Variants in ARHGAP44 observed in about 807,000 individuals in gnomAD.
ARHGAP44 encodes the protein Rho GTPase activating protein 44, also known as rho GTPase-activating protein 44.
A neutral mutation model predicts 106.8 loss-of-function variants in ARHGAP44; 43 were observed. That is an observed-to-expected ratio of 0.40 (90% CI 0.32 to 0.52). The LOEUF (loss-of-function observed/expected upper bound fraction) is 0.52, where lower values mean the gene tolerates loss of function less well. Among genes scored for constraint, ARHGAP44 ranks in the 20% least tolerant of loss-of-function variants. The probability of loss-of-function intolerance (pLI) is 0.48; values close to 1 mark genes in which losing one functional copy is unlikely to be tolerated. For missense variants in ARHGAP44, 866 were observed against 1,050.5 expected, an observed-to-expected ratio of 0.82 and a Z score of 2.43; for synonymous variants, 439 against 410.3, an observed-to-expected ratio of 1.07 and a Z score of -0.85.
chr17:12,973,515 T>C (rs1230625081), intron 17 of ARHGAP44, 196 bp downstream of exon 17: 8 of 622,152 alleles, frequency 1.3e-5, no homozygotes, highest in Non-Finnish European at 2.0e-5. Flanking sequence ...CCTTCCCTGC[T>C]GTGTAGACAA....
chr17:12,830,127 T>A (rs1305025647), intron 1 of ARHGAP44, among the ~76,000 whole-genome samples: 2 of 152,202 alleles, frequency 1.3e-5, no homozygotes, highest in South Asian at 4.1e-4. Context: ...TGCAAGGGGA[T>A]TGAAGCCTTT....
intron 1 of ARHGAP44, among the ~76,000 whole-genome samples, chr17:12,797,318 G>A (rs1198137000): frequency 6.6e-6 from 1 of 152,054 alleles, no homozygotes; most frequent in East Asian, 1.9e-4. Context: ...TGTATGACAT[G>A]GCTTAGGTAT....
At chr17:12,916,134 A>T in intron 5 of ARHGAP44, 123 bp downstream of exon 5, 1 of 780,622 alleles carries the variant, frequency 1.3e-6, no homozygotes, top group Non-Finnish European at 2.1e-6. Flanking sequence ...ATTGTTTTTC[A>T]TCAGGGATTC....
intron 1 of ARHGAP44, among the ~76,000 whole-genome samples, chr17:12,870,067 G>GT (rs2036366928): frequency 9.1e-5 from 1 of 10,944 alleles, no homozygotes. Flanking sequence ...TTTTTTTTTT[G>GT]AGATAGAGTC....
chr17:12,874,960 G>A lies in ARHGAP44; in HGVS notation c.54-19980G>A, dbSNP rs562707815. 2.6e-4 allele frequency among the ~76,000 whole-genome samples: 40 copies of A among 151,624 alleles called. No homozygotes were observed. In the South Asian group the frequency reaches 7.0e-3, roughly 26 times the overall value. Reference sequence around the variant, plus strand: ...GACAGAATGGGGGTCAGGAGATGGCGGGGTGGGGGTGGGATGGAAAATGGG... The same window carrying A: ...GACAGAATGGGGGTCAGGAGATGGCAGGGTGGGGGTGGGATGGAAAATGGG... On this transcript the variant is annotated intron_variant, in intron 1 of 20. Transcript: ENST00000379672.
intron 1 of ARHGAP44, among the ~76,000 whole-genome samples, chr17:12,809,446 G>A (rs961728014): frequency 8.5e-5 from 13 of 152,342 alleles, no homozygotes; most frequent in Middle Eastern, 3.4e-3. Context: ...AAGCAAAAGC[G>A]TGTCTTACAC....
intron 1 of ARHGAP44, among the ~76,000 whole-genome samples, chr17:12,799,859 C>T (rs1479209695): frequency 6.6e-6 from 1 of 152,144 alleles, no homozygotes; most frequent in Non-Finnish European, 1.5e-5. Context: ...GAACTCCTGA[C>T]CTCAGGAGAT....
At chr17:12,863,350 G>C (rs1043791486) in intron 1 of ARHGAP44, among the ~76,000 whole-genome samples, 8 of 151,898 alleles carry the variant, frequency 5.3e-5, no homozygotes, top group African/African-American at 1.5e-4. Flanking sequence ...CCTTGACCTA[G>C]TTTAGTGAAT....
In ARHGAP44 at chr17:12,841,606, A is replaced by T. The variant is rs987096593; in HGVS notation, c.53+51715A>T. ...CTCTGTCTCTCTCTCACACACACAC[A>T]CACACACACACACACACACACACAC... On this transcript the variant is annotated intron_variant, in intron 1 of 20. Transcript: ENST00000379672. 1.8e-3 allele frequency among the ~76,000 whole-genome samples: 225 copies of T among 124,750 alleles called. 2 individuals are homozygous for T. The highest frequency in any genetic ancestry group is 4.3e-3 in the East Asian group (19 of 4,452). The allele number at this position is 124,750 out of a possible 152,430, so 81.8% of individuals were successfully genotyped here.
chr17:12,985,817 G>A (rs1246324704), intron 20 of ARHGAP44: 1 of 152,240 alleles, frequency 6.6e-6, no homozygotes, highest in Non-Finnish European at 1.5e-5. Flanking sequence ...CGGTGAGCTG[G>A]AGCATATGTG....
At chr17:12,948,548 G>T (rs1282689269) in intron 10 of ARHGAP44, among the ~76,000 whole-genome samples, 1 of 152,084 alleles carries the variant, frequency 6.6e-6, no homozygotes, top group Non-Finnish European at 1.5e-5. Context: ...GCGGGTGCCT[G>T]TAATCCCAGC....
intron 1 of ARHGAP44, among the ~76,000 whole-genome samples, chr17:12,894,613 G>T (rs536127132): frequency 6.6e-6 from 1 of 152,242 alleles, no homozygotes; most frequent in South Asian, 2.1e-4. Flanking sequence ...TTATTTGGGG[G>T]AGGCCAAGCG....
chr17:12,943,738 T>G, intron 9 of ARHGAP44, 69 bp downstream of exon 9: 9 of 1,435,658 alleles, frequency 6.3e-6, no homozygotes, highest in African/African-American at 1.4e-5. Flanking sequence ...TGAGATGAAT[T>G]CCTTGTATGT....
At chr17:12,857,925 C>T (rs2035958625) in intron 1 of ARHGAP44, among the ~76,000 whole-genome samples, 1 of 152,038 alleles carries the variant, frequency 6.6e-6, no homozygotes, top group Non-Finnish European at 1.5e-5. Flanking sequence ...ACTTGGATCA[C>T]TAATAAGCTA....
intron 9 of ARHGAP44, 74 bp from the exon 10 acceptor site, chr17:12,943,995 C>A: frequency 6.8e-7 from 1 of 1,477,166 alleles, no homozygotes; most frequent in Non-Finnish European, 9.0e-7. Context: ...ATCTGGACAA[C>A]AAAGGAAAGC....
intron 1 of ARHGAP44, among the ~76,000 whole-genome samples, chr17:12,839,935 G>A (rs1404449987): frequency 6.6e-6 from 1 of 152,062 alleles, no homozygotes; most frequent in Non-Finnish European, 1.5e-5. Context: ...AGAAATAACC[G>A]CCATTCACAC....
chr17:12,862,343 C>T (rs901647215), intron 1 of ARHGAP44, among the ~76,000 whole-genome samples: 1 of 152,142 alleles, frequency 6.6e-6, no homozygotes. Flanking sequence ...TACCCTTGCA[C>T]GTTTTAGTCA....
chr17:12,902,654 C>T (rs1342048466), intron 3 of ARHGAP44, among the ~76,000 whole-genome samples: 2 of 152,190 alleles, frequency 1.3e-5, no homozygotes, highest in East Asian at 3.9e-4. Flanking sequence ...CATGCCCTTC[C>T]TTTTCTGTAA....
rs118023880 is a variant in ARHGAP44, at chr17:12,841,484, C to G, written c.53+51593C>G. On this transcript the variant is annotated intron_variant, in intron 1 of 20. Coordinates refer to ENST00000379672, the MANE Select transcript of ARHGAP44 (RefSeq NM_014859.6). The stretch of plus-strand genomic sequence containing the variant: ...GCTGTAGACTCAGTTACTTGGGAGG[C>G]TAAGGCAGGAGAATTGCTTGAGAGC... Among the ~76,000 whole-genome samples the G allele has an allele frequency of 4.2e-3, 641 of 151,802 alleles. 31 individuals are homozygous for G. In the East Asian group the frequency reaches 0.1, roughly 25 times the overall value.
Sources: allele counts gnomAD v4.1 joint callset (sites outside exome capture counted in the v4.1 genomes callset), GRCh38; gene constraint gnomAD v4.1.1; transcripts MANE v1.5; gene names NCBI Gene and HGNC (gene_info 2026-07-23, HGNC 2026-07-21).